FBXO11: variants seen among roughly 807,000 people sequenced by gnomAD.
FBXO11 encodes the protein F-box only protein 11.
A neutral mutation model predicts 117.0 loss-of-function variants in FBXO11; 13 were observed. That is an observed-to-expected ratio of 0.11 (90% CI 0.07 to 0.18). The LOEUF is 0.18. Among genes scored for constraint, FBXO11 ranks in the 10% least tolerant of loss-of-function variants. FBXO11 has a pLI of 1.00. For synonymous variants in FBXO11, 490 were observed against 380.5 expected (o/e 1.29, Z -3.35); for missense variants, 767 against 1,164.4 (o/e 0.66, Z 4.97).
intron 1 of FBXO11, among the ~76,000 whole-genome samples, chr2:47,878,249 T>A (rs1676158780): frequency 6.6e-6 from 1 of 152,110 alleles, no homozygotes; most frequent in Admixed American, 6.5e-5. Flanking sequence ...TACAGTAGAG[T>A]TTTGGTCTCT....
At chr2:47,896,282 TG>T (rs1206829892) in intron 1 of FBXO11, among the ~76,000 whole-genome samples, 1 of 151,732 alleles carries the variant, frequency 6.6e-6, no homozygotes, top group African/African-American at 2.4e-5. Flanking sequence ...TATTTGCCTC[TG>T]AAGAATCACT....
intron 14 of FBXO11, 127 bp from the exon 15 acceptor site, chr2:47,819,205 T>C: frequency 2.5e-6 from 2 of 809,830 alleles, no homozygotes; most frequent in Non-Finnish European, 3.8e-6. Context: ...AAGGAGGTAA[T>C]GGCAATATTC....
intron 1 of FBXO11, among the ~76,000 whole-genome samples, chr2:47,870,559 G>C (rs1675550180): frequency 6.6e-6 from 1 of 152,164 alleles, no homozygotes; most frequent in Non-Finnish European, 1.5e-5. Flanking sequence ...AAGTGATGCA[G>C]CTGCAAACCA....
At chr2:47,850,220 A>G (rs1673752538) in intron 1 of FBXO11, among the ~76,000 whole-genome samples, 1 of 152,172 alleles carries the variant, frequency 6.6e-6, no homozygotes, top group Admixed American at 6.6e-5. Context: ...AATCCAATGG[A>G]TGGTGGTGCC....
At chr2:47,833,098 T>A in intron 7 of FBXO11, 28 bp from the exon 8 acceptor site, 1 of 1,483,042 alleles carries the variant, frequency 6.7e-7, no homozygotes. Context: ...TAAAGAATAT[T>A]ACCTTTATTC....
At chr2:47,837,558 T>C (rs1672679237) in intron 4 of FBXO11, among the ~76,000 whole-genome samples, 1 of 152,194 alleles carries the variant, frequency 6.6e-6, no homozygotes, top group Non-Finnish European at 1.5e-5. Flanking sequence ...ATATATATGG[T>C]GCACCTTTTG....
chr2:47,898,113 A>G (rs1395957322), intron 1 of FBXO11, among the ~76,000 whole-genome samples: 1 of 152,234 alleles, frequency 6.6e-6, no homozygotes, highest in Non-Finnish European at 1.5e-5. Flanking sequence ...CTGGGAGAGC[A>G]AGCAATTAAC....
At chr2:47,811,248 C>CA (rs1393515365) in intron 18 of FBXO11, 2 of 152,210 alleles carry the variant, frequency 1.3e-5, no homozygotes, top group Non-Finnish European at 2.9e-5. Flanking sequence ...ATTTTTGAGA[C>CA]AGAGTCTCAC....
intron 1 of FBXO11, among the ~76,000 whole-genome samples, chr2:47,857,686 G>A (rs1223427131): frequency 3.3e-5 from 5 of 152,154 alleles, no homozygotes; most frequent in Non-Finnish European, 1.5e-5. Flanking sequence ...ATTAACAAAT[G>A]AGCAAAGCTA....
At chr2:47,811,108 C>G (rs1407597531) in intron 18 of FBXO11, 1 of 152,252 alleles carries the variant, frequency 6.6e-6, no homozygotes, top group East Asian at 1.9e-4. Context: ...GACTCAGTAA[C>G]TTCTTGGGGT....
intron 1 of FBXO11, among the ~76,000 whole-genome samples, chr2:47,891,698 T>G (rs1163355229): frequency 6.6e-6 from 1 of 152,218 alleles, no homozygotes; most frequent in African/African-American, 2.4e-5. Flanking sequence ...ACCTCCACAC[T>G]GTTTTCCATA....
chr2:47,853,468 T>C (rs930882338), intron 1 of FBXO11, among the ~76,000 whole-genome samples: 5 of 152,192 alleles, frequency 3.3e-5, no homozygotes, highest in Non-Finnish European at 7.3e-5. Context: ...ATTTTATTAA[T>C]AGGTAGCTCC....
At chr2:47,836,616 G>A (rs371377980) in intron 4 of FBXO11, among the ~76,000 whole-genome samples, 49 of 148,768 alleles carry the variant, frequency 3.3e-4, no homozygotes, top group African/African-American at 1.1e-3. Context: ...ATGCCTGGCC[G>A]AAAATTAGTT....
intron 1 of FBXO11, among the ~76,000 whole-genome samples, chr2:47,884,076 C>G (rs1202740946): frequency 6.6e-6 from 1 of 152,026 alleles, no homozygotes; most frequent in East Asian, 1.9e-4. Context: ...AAAAGTTAGC[C>G]GGGCCTGTGA....
At chr2:47,834,744 G>T in intron 6 of FBXO11, 33 bp from the exon 7 acceptor site, 1 of 1,608,932 alleles carries the variant, frequency 6.2e-7, no homozygotes, top group Non-Finnish European at 8.5e-7. Flanking sequence ...GTACAGAACT[G>T]AAAGATTACC....
chr2:47,827,386 A>C (rs1377307616), intron 11 of FBXO11, among the ~76,000 whole-genome samples: 1 of 152,200 alleles, frequency 6.6e-6, no homozygotes, highest in Non-Finnish European at 1.5e-5. Flanking sequence ...GGCTCACTGC[A>C]ACCTCTACCT....
At chr2:47,835,157 C>A (rs915849079) in intron 5 of FBXO11, among the ~76,000 whole-genome samples, 2 of 152,240 alleles carry the variant, frequency 1.3e-5, no homozygotes, top group East Asian at 3.9e-4. Flanking sequence ...TTAGAGGTAT[C>A]CCTGGCCTCA....
intron 11 of FBXO11, among the ~76,000 whole-genome samples, chr2:47,831,218 C>T (rs1163541735): frequency 6.6e-6 from 1 of 151,512 alleles, no homozygotes; most frequent in Non-Finnish European, 1.5e-5. Context: ...GGAGTTCAAG[C>T]CCAGCCTGAC....
intron 1 of FBXO11, among the ~76,000 whole-genome samples, chr2:47,899,535 G>C (rs1474042077): frequency 6.6e-6 from 1 of 152,320 alleles, no homozygotes; most frequent in Admixed American, 6.5e-5. Context: ...GTAAGGCTCA[G>C]AGAGGTAACA....
Sources: allele counts gnomAD v4.1 joint callset (sites outside exome capture counted in the v4.1 genomes callset), GRCh38; gene constraint gnomAD v4.1.1; transcripts MANE v1.5; gene names NCBI Gene and HGNC (gene_info 2026-07-23, HGNC 2026-07-21).